Variants in F2R observed in about 807,000 individuals in gnomAD.
F2R encodes coagulation factor II thrombin receptor, also known as proteinase-activated receptor 1.
Under a neutral mutation model 18.3 loss-of-function variants are expected in F2R, and 12 were observed. That is an observed-to-expected ratio of 0.66 (90% CI 0.42 to 1.06). F2R has a LOEUF of 1.06. Among genes scored for constraint, F2R ranks in the 50% least tolerant of loss-of-function variants. The probability of loss-of-function intolerance (pLI) is 0.00; values close to 1 mark genes in which losing one functional copy is unlikely to be tolerated. For missense variants in F2R, 438 were observed against 530.8 expected (o/e 0.83, Z 1.72); for synonymous variants, 210 against 219.9 (o/e 0.95, Z 0.40).
At chr5:76,730,681 G>A (rs565910290) in intron 1 of F2R, among the ~76,000 whole-genome samples, 1 of 152,184 alleles carries the variant, frequency 6.6e-6, no homozygotes, top group East Asian at 1.9e-4. Flanking sequence ...CTATCTACCT[G>A]GAGATAGAGT....
At chr5:76,730,518 T>A (rs1374576423) in intron 1 of F2R, among the ~76,000 whole-genome samples, 4 of 152,206 alleles carry the variant, frequency 2.6e-5, no homozygotes, top group African/African-American at 9.6e-5. Flanking sequence ...CTTCACTCAA[T>A]CCTTCTGACA....
chr5:76,726,258 G>A (rs767460695), intron 1 of F2R, among the ~76,000 whole-genome samples: 7 of 152,084 alleles, frequency 4.6e-5, no homozygotes, highest in African/African-American at 9.7e-5. Flanking sequence ...GCAGCCGGGC[G>A]CGGTGGCTCA....
intron 1 of F2R, among the ~76,000 whole-genome samples, chr5:76,722,690 T>TGG: frequency 6.6e-6 from 1 of 152,200 alleles, no homozygotes; most frequent in African/African-American, 2.4e-5. Context: ...CGGTGGCTCA[T>TGG]GCCTGTAATC....
chr5:76,729,083 A>G (rs1191832233), intron 1 of F2R, among the ~76,000 whole-genome samples: 1 of 152,186 alleles, frequency 6.6e-6, no homozygotes, highest in Non-Finnish European at 1.5e-5. Flanking sequence ...AGGAACCTTC[A>G]TACTGTTTTT....
Position 76,733,014 on chromosome 5 carries a change from C to G in F2R, c.789C>G (p.Leu263=). The stretch of plus-strand genomic sequence containing the variant: ...ATGATGTGCTCAATGAAACCCTGCT[C>G]GAAGGCTACTATGCCTACTACTTCT... ...TCHDVLNETL[L]EGYYAYYFSA... is the part of the protein sequence containing the mutation. Residue 263 remains leucine, a synonymous_variant, in exon 2 of 2, where the codon CTC becomes CTG. Coordinates refer to ENST00000319211, the MANE Select transcript of F2R (RefSeq NM_001992.5). 1 of 1,614,140 alleles carries G rather than the reference C, an allele frequency of 6.2e-7. No individual in the cohort carries two copies. Among genetic ancestry groups the G allele is most frequent in the Non-Finnish European group, 8.5e-7 (1 of 1,180,040 alleles).
chr5:76,726,172 T>C (rs941805889), intron 1 of F2R, among the ~76,000 whole-genome samples: 1 of 151,774 alleles, frequency 6.6e-6, no homozygotes, highest in African/African-American at 2.4e-5. Flanking sequence ...GGTGGATCAC[T>C]TGAGGCCAGG....
At chr5:76,716,560 C>A (rs1370371538) in intron 1 of F2R, 165 bp downstream of exon 1, 2 of 700,524 alleles carry the variant, frequency 2.9e-6, no homozygotes, top group Admixed American at 2.9e-5. Context: ...TTAGGTGGGG[C>A]GTGCCACCCC....
At chr5:76,722,921 A>C (rs1748492839) in intron 1 of F2R, among the ~76,000 whole-genome samples, 1 of 150,944 alleles carries the variant, frequency 6.6e-6, no homozygotes, top group South Asian at 2.1e-4. Flanking sequence ...ACTGCACTCC[A>C]GCCTGGGAGA....
At chr5:76,718,668 T>TC (rs1748386498) in intron 1 of F2R, among the ~76,000 whole-genome samples, 1 of 152,262 alleles carries the variant, frequency 6.6e-6, no homozygotes, top group African/African-American at 2.4e-5. Flanking sequence ...AAACAAATGT[T>TC]CACTCAGCAG....
chr5:76,733,216 G>T lies in F2R; in HGVS notation c.991G>T (p.Val331Phe). Residue 331 changes from valine to phenylalanine, a missense_variant, in exon 2 of 2, where the codon GTC (valine) becomes TTC (phenylalanine). Transcript: ENST00000319211. The part of the protein sequence containing the change: ...IFIICFGPTN[V>F]LLIAHYSFLS... ...CATCATTTGCTTCGGACCCACAAAC[G>T]TCCTCCTGATTGCGCATTACTCATT... 1 of 1,614,100 alleles carries T rather than the reference G, an allele frequency of 6.2e-7. No homozygotes were observed. The highest frequency in any genetic ancestry group is 8.5e-7 in the Non-Finnish European group (1 of 1,180,036).
chr5:76,732,892 TG>T lies in F2R; in HGVS notation c.668del (p.Cys223PhefsTer12). On this transcript the variant is annotated frameshift_variant, in exon 2 of 2. Coordinates refer to ENST00000319211, the MANE Select transcript of F2R (RefSeq NM_001992.5). LOFTEE classifies it high-confidence loss of function. Reference sequence around the variant, plus strand: ...TACTCTGGGAAGGGCTTCCTTCACTTGTCTGGCCATCTGGGCTTTGGCCATC... The same window carrying T: ...TACTCTGGGAAGGGCTTCCTTCACTTTCTGGCCATCTGGGCTTTGGCCATC... ...WRTLGRASFT[C>X]LAIWALAIAG... The T allele has an allele frequency of 6.2e-7, 1 of 1,614,208 alleles. No individual in the cohort carries two copies. The highest frequency in any genetic ancestry group is 8.5e-7 in the Non-Finnish European group (1 of 1,180,044).
At chr5:76,722,389 G>A (rs973077144) in intron 1 of F2R, among the ~76,000 whole-genome samples, 4 of 152,174 alleles carry the variant, frequency 2.6e-5, no homozygotes, top group Admixed American at 1.3e-4. Context: ...AGTAGTTCCC[G>A]GGCAAGGCCT....
At chr5:76,727,632 A>G (rs1367064960) in intron 1 of F2R, among the ~76,000 whole-genome samples, 1 of 150,696 alleles carries the variant, frequency 6.6e-6, no homozygotes, top group African/African-American at 2.5e-5. Context: ...AGTTGGTACT[A>G]CTCTAGCTTT....
rs2227800 is a variant in F2R, at chr5:76,733,547, T to C, written c.*44T>C. Reference sequence around the variant, plus strand: ...GGTTAAAAAGAAAAGTTTATAAAAGTGAATAACCTGAGGATTCTATTAGTC... The same window carrying C: ...GGTTAAAAAGAAAAGTTTATAAAAGCGAATAACCTGAGGATTCTATTAGTC... On this transcript the variant is annotated 3_prime_UTR_variant, in exon 2 of 2. Coordinates refer to ENST00000319211, the MANE Select transcript of F2R (RefSeq NM_001992.5). The C allele has an allele frequency of 0.014, 20,664 of 1,465,688 alleles. 946 individuals are homozygous for C. Among genetic ancestry groups the C allele is most frequent in the African/African-American group, 0.14 (9,945 of 70,562 alleles). The allele number at this position is 1,465,688 out of a possible 1,614,324, so 90.8% of individuals were successfully genotyped here. A position where few individuals can be genotyped will look rare whatever the true frequency, so the allele number is the denominator to read the frequency against.
At chr5:76,726,577 T>G (rs987893549) in intron 1 of F2R, among the ~76,000 whole-genome samples, 3 of 151,604 alleles carry the variant, frequency 2.0e-5, no homozygotes, top group Non-Finnish European at 4.4e-5. Context: ...GGTGCGTGCT[T>G]GTAATCCCAG....
Position 76,724,140 on chromosome 5 carries a change from C to T in F2R, c.88+7745C>T, listed in dbSNP as rs140498187. On this transcript the variant is annotated intron_variant, in intron 1 of 1. Transcript: ENST00000319211. ...GGAGTTCAGTAGCACAATCATGGCT[C>T]ATCCACAGTCTCAACCTCCTGGGCT... Among the ~76,000 whole-genome samples, 389 of 152,300 alleles carry T rather than the reference C, an allele frequency of 2.6e-3. 1 individual carries two copies. Among genetic ancestry groups the T allele is most frequent in the Middle Eastern group, 0.01 (3 of 292 alleles).
At position 76,735,058 on chromosome 5, in the gene F2R, A is replaced by G. The variant is rs1748755460; in HGVS notation, c.*1555A>G. The G allele has an allele frequency of 6.6e-6, 1 of 152,394 alleles. No individual in the cohort carries two copies. The highest frequency in any genetic ancestry group is 2.1e-4 in the South Asian group (1 of 4,838). The allele number at this position is 152,394 out of a possible 1,614,324, so 9.4% of individuals were successfully genotyped here. A position where few individuals can be genotyped will look rare whatever the true frequency, so the allele number is the denominator to read the frequency against. ...GCATTTTTTAACCTCCTAAGTATCA[A>G]GTATAGAAAATCTTCATGGAATTCA... On this transcript the variant is annotated 3_prime_UTR_variant, in exon 2 of 2. Coordinates refer to ENST00000319211, the MANE Select transcript of F2R (RefSeq NM_001992.5).
At chr5:76,726,852 C>G (rs1022113644) in intron 1 of F2R, among the ~76,000 whole-genome samples, 1 of 152,198 alleles carries the variant, frequency 6.6e-6, no homozygotes, top group African/African-American at 2.4e-5. Flanking sequence ...CACCCACACA[C>G]TCATTGTGAT....
chr5:76,723,653 G>A (rs1031310647), intron 1 of F2R, among the ~76,000 whole-genome samples: 4 of 152,104 alleles, frequency 2.6e-5, no homozygotes, highest in African/African-American at 9.7e-5. Context: ...CTAAATATAA[G>A]ACAATCTTCA....
Sources: gnomAD v4.1 joint callset for allele counts (sites outside exome capture counted in the v4.1 genomes callset) on GRCh38, gnomAD v4.1.1 for gene constraint, MANE v1.5 for transcripts, NCBI Gene and HGNC (gene_info 2026-07-23, HGNC 2026-07-21) for gene names.